Variants in CDH13 observed in about 807,000 individuals in gnomAD.
CDH13 encodes cadherin 13.
In CDH13, 24 loss-of-function variants were observed where a neutral mutation model predicts 63.8. The observed-to-expected ratio is 0.38, with a 90% confidence interval of 0.27 to 0.53. CDH13 has a LOEUF of 0.53. Among genes scored for constraint, CDH13 ranks in the 20% least tolerant of loss-of-function variants. CDH13 has a pLI of 0.85. For missense variants in CDH13, 1,049 were observed against 903.1 expected, an observed-to-expected ratio of 1.16 and a Z score of -2.07; for synonymous variants, 503 against 355.3, an observed-to-expected ratio of 1.42 and a Z score of -4.67.
At chr16:82,932,887 G>C (rs1212628566) in intron 2 of CDH13, among the ~76,000 whole-genome samples, 2 of 152,214 alleles carry the variant, frequency 1.3e-5, no homozygotes, top group Admixed American at 6.5e-5. Context: ...TAGAGAAGTT[G>C]ACTAGTAGAG....
chr16:83,057,201 G>A (rs540569951), intron 3 of CDH13, among the ~76,000 whole-genome samples: 8 of 152,046 alleles, frequency 5.3e-5, no homozygotes, highest in East Asian at 3.9e-4. Context: ...TCCTGACCTC[G>A]TGATCCACCT....
chr16:82,908,590 C>CT (rs1037684319), intron 2 of CDH13, among the ~76,000 whole-genome samples: 2 of 152,132 alleles, frequency 1.3e-5, no homozygotes, highest in Non-Finnish European at 2.9e-5. Flanking sequence ...CAGATATTCC[C>CT]TTTTCCTCCT....
intron 1 of CDH13, among the ~76,000 whole-genome samples, chr16:82,647,632 G>T (rs1030520461): frequency 6.6e-6 from 1 of 152,046 alleles, no homozygotes; most frequent in South Asian, 2.1e-4. Context: ...AATCTGGTTG[G>T]CATTGATTCA....
At chr16:83,023,592 C>A (rs1468916025) in intron 2 of CDH13, among the ~76,000 whole-genome samples, 1 of 152,134 alleles carries the variant, frequency 6.6e-6, no homozygotes, top group Non-Finnish European at 1.5e-5. Flanking sequence ...CTGAGCCACC[C>A]AGGAAGTTGT....
intron 8 of CDH13, among the ~76,000 whole-genome samples, chr16:83,650,536 C>G (rs932074642): frequency 6.6e-6 from 1 of 152,188 alleles, no homozygotes; most frequent in Non-Finnish European, 1.5e-5. Flanking sequence ...TAGTGGTTCT[C>G]AACCCCAGAG....
At chr16:82,975,550 C>T (rs1268951595) in intron 2 of CDH13, among the ~76,000 whole-genome samples, 4 of 152,140 alleles carry the variant, frequency 2.6e-5, no homozygotes, top group Admixed American at 6.5e-5. Context: ...CATGCAAAGC[C>T]CCTAATACAG....
chr16:83,220,280 A>T (rs940246866), intron 5 of CDH13, among the ~76,000 whole-genome samples: 4 of 152,192 alleles, frequency 2.6e-5, no homozygotes, highest in African/African-American at 4.8e-5. Flanking sequence ...TTTTTAGATG[A>T]TGAGAACTGG....
intron 13 of CDH13, among the ~76,000 whole-genome samples, chr16:83,791,862 A>G (rs927774933): frequency 2.0e-5 from 3 of 151,294 alleles, no homozygotes; most frequent in African/African-American, 7.3e-5. Context: ...GCCAGTAAAC[A>G]CTTTTAAAAT....
chr16:83,709,935 T>C (rs937955770), intron 10 of CDH13, among the ~76,000 whole-genome samples: 1 of 152,132 alleles, frequency 6.6e-6, no homozygotes, highest in Non-Finnish European at 1.5e-5. Context: ...TTAAGAAACA[T>C]TATTCATTCC....
intron 5 of CDH13, among the ~76,000 whole-genome samples, chr16:83,271,015 C>T (rs1320426974): frequency 6.6e-6 from 1 of 151,372 alleles, no homozygotes; most frequent in Non-Finnish European, 1.5e-5. Context: ...TCCTCCCCCT[C>T]ACTCTAAGTG....
intron 2 of CDH13, among the ~76,000 whole-genome samples, chr16:83,027,734 G>C (rs1350738041): frequency 6.6e-6 from 1 of 152,268 alleles, no homozygotes; most frequent in East Asian, 1.9e-4. Context: ...CCTGGGCTTA[G>C]CTTATCTCCA....
At chr16:83,712,664 T>G (rs375366718) in intron 10 of CDH13, among the ~76,000 whole-genome samples, 1 of 152,200 alleles carries the variant, frequency 6.6e-6, no homozygotes, top group African/African-American at 2.4e-5. Context: ...TTACTTATGT[T>G]ATTCAATTTG....
intron 2 of CDH13, among the ~76,000 whole-genome samples, chr16:82,882,403 C>G (rs1047657721): frequency 6.6e-6 from 1 of 152,168 alleles, no homozygotes; most frequent in Admixed American, 6.5e-5. Context: ...GCTCTAGTCT[C>G]CAACTCCGCT....
chr16:83,581,888 A>C (rs563378772), intron 7 of CDH13, among the ~76,000 whole-genome samples: 11 of 152,200 alleles, frequency 7.2e-5, no homozygotes, highest in Admixed American at 3.3e-4. Flanking sequence ...TTTTTATTTC[A>C]TCTCCTCCTT....
In CDH13 at chr16:82,867,277, C is replaced by G. The variant is rs531566953; in HGVS notation, c.157+8804C>G. ...TCCATAGTTCTGTGGCCTAGTGTCT[C>G]TTAGTTTTTTTGATGTTGGTGGTGA... On this transcript the variant is annotated intron_variant, in intron 2 of 13. Coordinates refer to ENST00000567109, the MANE Select transcript of CDH13 (RefSeq NM_001257.5). 2.2e-4 allele frequency among the ~76,000 whole-genome samples: 33 copies of G among 152,254 alleles called. 1 individual carries two copies. In the South Asian group the frequency reaches 6.6e-3, roughly 31 times the overall value.
rs577638071 is a variant in CDH13 at position 83,245,818 on chromosome 16, C to G, written c.636+28321C>G. ...AGTGCAATGGTGTGATCATGGCTCA[C>G]TGCAGCCAAGACCTCCCTGGCTCAA... is the stretch of plus-strand genomic sequence containing the variant. On this transcript the variant is annotated intron_variant, in intron 5 of 13. Transcript: ENST00000567109. Among the ~76,000 whole-genome samples, 12 of 152,274 alleles carry G rather than the reference C, an allele frequency of 7.9e-5. No homozygotes were observed. The South Asian group carries it at 2.3e-3, about 29-fold the overall frequency.
At chr16:83,204,063 C>G (rs1267839802) in intron 4 of CDH13, among the ~76,000 whole-genome samples, 1 of 152,244 alleles carries the variant, frequency 6.6e-6, no homozygotes, top group Admixed American at 6.5e-5. Flanking sequence ...GGCTCTGCCA[C>G]TGACATGGGC....
rs1007008630 is a variant in CDH13 at position 83,698,267 on chromosome 16, C to G, written c.1538+19806C>G. 5.9e-5 allele frequency among the ~76,000 whole-genome samples: 9 copies of G among 152,350 alleles called. 1 individual carries two copies. In the South Asian group the frequency reaches 1.9e-3, roughly 32 times the overall value. On this transcript the variant is annotated intron_variant, in intron 10 of 13. Coordinates refer to ENST00000567109, the MANE Select transcript of CDH13 (RefSeq NM_001257.5). Reference sequence around the variant, plus strand: ...ACAAAGGATTTCCATCAGGGACTGACTTTAATATAAAGAGTGCAAATGAAT... The same window carrying G: ...ACAAAGGATTTCCATCAGGGACTGAGTTTAATATAAAGAGTGCAAATGAAT...
chr16:83,078,489 C>T (rs2033011371), intron 3 of CDH13, among the ~76,000 whole-genome samples: 1 of 152,214 alleles, frequency 6.6e-6, no homozygotes, highest in Admixed American at 6.5e-5. Context: ...CTATAAGAGT[C>T]TAATGCCACT....
Sources: gnomAD v4.1 joint callset for allele counts (sites outside exome capture counted in the v4.1 genomes callset) on GRCh38, gnomAD v4.1.1 for gene constraint, MANE v1.5 for transcripts, NCBI Gene and HGNC (gene_info 2026-07-23, HGNC 2026-07-21) for gene names.